KLRG1: variants seen among roughly 807,000 people sequenced by gnomAD.
KLRG1 encodes the protein killer cell lectin like receptor G1, also known as killer cell lectin-like receptor subfamily G member 1.
Under a neutral mutation model 21.8 loss-of-function variants are expected in KLRG1, and 16 were observed. The ratio of observed to expected loss-of-function variants is 0.73; its 90% CI spans 0.50 to 1.11. The LOEUF (loss-of-function observed/expected upper bound fraction) is 1.11, where lower values mean the gene tolerates loss of function less well. Ranked by LOEUF, KLRG1 falls within the 50% of genes most tolerant of loss-of-function variation. The pLI is 0.00. For missense variants in KLRG1, 173 were observed against 218.3 expected, an observed-to-expected ratio of 0.79 and a Z score of 1.31; for synonymous variants, 69 against 75.9, an observed-to-expected ratio of 0.91 and a Z score of 0.47.
the KLRG1 span, chr12:9,109,469 A>G: frequency 3.1e-6 from 4 of 1,284,744 alleles, no homozygotes; most frequent in African/African-American, 1.5e-5. Context: ...TCCTATTTTC[A>G]GGTTCCCTGT....
At chr12:8,985,373 C>A (rs1946826660), upstream of KLRG1, among the ~76,000 whole-genome samples, 1 of 152,158 alleles carries the variant, frequency 6.6e-6, no homozygotes, top group South Asian at 2.1e-4. Context: ...ACTTGTGTGA[C>A]CAAATGTGGT....
At chr12:9,095,727 C>T in the KLRG1 span, 2 of 773,612 alleles carry the variant, frequency 2.6e-6, no homozygotes, top group East Asian at 3.0e-5. Flanking sequence ...GACAAAAAGG[C>T]AAACTTATTT....
chr12:9,070,770 C>G, the KLRG1 span, among the ~76,000 whole-genome samples: 7 of 152,046 alleles, frequency 4.6e-5, no homozygotes, highest in African/African-American at 1.7e-4. Context: ...GAGACCAGGC[C>G]CTACTCTAGA....
At chr12:9,167,101 A>G in the KLRG1 span, 3 of 152,174 alleles carry the variant, frequency 2.0e-5, no homozygotes, top group Admixed American at 6.5e-5. Context: ...AGTGGTAACA[A>G]TTTCTATCTC....
chr12:9,148,716 T>C, the KLRG1 span: 10 of 419,710 alleles, frequency 2.4e-5, no homozygotes, highest in Non-Finnish European at 4.2e-5. Flanking sequence ...ACCTCCACTC[T>C]GCTTTCCTAC....
At chr12:9,094,532 G>A in the KLRG1 span, among the ~76,000 whole-genome samples, 1 of 151,586 alleles carries the variant, frequency 6.6e-6, no homozygotes, top group Non-Finnish European at 1.5e-5. Flanking sequence ...TCTTTTCTCT[G>A]TACTCAACTT....
the KLRG1 span, chr12:9,072,752 C>T: frequency 6.2e-7 from 1 of 1,614,180 alleles, no homozygotes; most frequent in Non-Finnish European, 8.5e-7. Context: ...TGTTGTTGTC[C>T]ACTTGGAATT....
the KLRG1 span, among the ~76,000 whole-genome samples, chr12:9,136,682 G>T: frequency 6.6e-6 from 1 of 151,860 alleles, no homozygotes; most frequent in Non-Finnish European, 1.5e-5. Context: ...CCACATCTTT[G>T]CCAACCACTT....
the KLRG1 span, among the ~76,000 whole-genome samples, chr12:9,087,967 T>C: frequency 6.6e-6 from 1 of 152,194 alleles, no homozygotes; most frequent in African/African-American, 2.4e-5. Flanking sequence ...AAAACCAATA[T>C]AGGAAGACTA....
At chr12:9,060,588 G>A in the KLRG1 span, among the ~76,000 whole-genome samples, 4 of 152,130 alleles carry the variant, frequency 2.6e-5, no homozygotes, top group African/African-American at 9.6e-5. Flanking sequence ...CTGAGATTGC[G>A]CCATTGCACT....
the KLRG1 span, chr12:9,150,592 A>C: frequency 6.7e-6 from 8 of 1,191,458 alleles, no homozygotes; most frequent in African/African-American, 3.0e-5. Context: ...CTGTCACAAC[A>C]GGATCCATTT....
chr12:9,015,262 A>G (rs990906710), downstream of KLRG1, among the ~76,000 whole-genome samples: 14 of 152,192 alleles, frequency 9.2e-5, no homozygotes, highest in African/African-American at 4.8e-5. Flanking sequence ...ACCTACAAGA[A>G]ACACATTTCA....
At chr12:9,157,067 C>A in the KLRG1 span, 1 of 1,067,112 alleles carries the variant, frequency 9.4e-7, no homozygotes, top group African/African-American at 1.6e-5. Flanking sequence ...GCTATCTATC[C>A]TGATGCTCTC....
intron 1 of KLRG1, among the ~76,000 whole-genome samples, chr12:8,982,380 C>G (rs1048490079): frequency 6.6e-6 from 1 of 152,178 alleles, no homozygotes; most frequent in Non-Finnish European, 1.5e-5. Flanking sequence ...ATTTCCTTGA[C>G]TTTCCCAGAA....
At chr12:9,052,251 T>C in the KLRG1 span, among the ~76,000 whole-genome samples, 2 of 152,218 alleles carry the variant, frequency 1.3e-5, no homozygotes, top group African/African-American at 4.8e-5. Flanking sequence ...CTCTTTTCTT[T>C]CTCTACTCTG....
At chr12:9,125,082 G>A in the KLRG1 span, among the ~76,000 whole-genome samples, 1 of 152,180 alleles carries the variant, frequency 6.6e-6, no homozygotes, top group Non-Finnish European at 1.5e-5. Flanking sequence ...CTGCACAGAG[G>A]AACTACCCTC....
chr12:9,035,276 G>T, the KLRG1 span, among the ~76,000 whole-genome samples: 1 of 151,968 alleles, frequency 6.6e-6, no homozygotes, highest in African/African-American at 2.4e-5. Context: ...CATAAAAAAG[G>T]ATGAGTTCAT....
the KLRG1 span, among the ~76,000 whole-genome samples, chr12:9,061,981 T>TA: frequency 1.1e-4 from 17 of 151,958 alleles, no homozygotes; most frequent in African/African-American, 2.4e-4. Flanking sequence ...ATATAGTGTA[T>TA]AAAAAATCAC....
intron 1 of KLRG1, among the ~76,000 whole-genome samples, chr12:8,979,338 T>C (rs1235422214): frequency 6.6e-6 from 1 of 152,204 alleles, no homozygotes; most frequent in Non-Finnish European, 1.5e-5. Flanking sequence ...TTTTAAAAGA[T>C]AATTTTTCCA....
Sources: gnomAD v4.1 joint callset for allele counts (sites outside exome capture counted in the v4.1 genomes callset) on GRCh38, gnomAD v4.1.1 for gene constraint, MANE v1.5 for transcripts, NCBI Gene and HGNC (gene_info 2026-07-23, HGNC 2026-07-21) for gene names.